Variants in GALNT16 observed in about 807,000 individuals in gnomAD.
GALNT16 encodes the protein UDP-GalNAc:polypeptide N-acetylgalactosaminyltransferase-like protein 1.
A neutral mutation model predicts 76.1 loss-of-function variants in GALNT16; 40 were observed. The ratio of observed to expected loss-of-function variants is 0.53; its 90% CI spans 0.41 to 0.68. The LOEUF (loss-of-function observed/expected upper bound fraction) is 0.68. GALNT16 is among the 30% of genes least tolerant of loss of function. GALNT16 has a pLI of 0.00. For synonymous variants in GALNT16, 276 were observed against 285.2 expected (o/e 0.97, Z 0.32); for missense variants, 621 against 731.9 (o/e 0.85, Z 1.75).
intron 9 of GALNT16, among the ~76,000 whole-genome samples, chr14:69,336,660 C>T (rs2140185156): frequency 6.6e-6 from 1 of 152,238 alleles, no homozygotes; most frequent in Non-Finnish European, 1.5e-5. Flanking sequence ...TCATTTTTCT[C>T]CATGGCCCTA....
At chr14:69,377,492 T>C in the GALNT16 span, among the ~76,000 whole-genome samples, 2 of 152,278 alleles carry the variant, frequency 1.3e-5, no homozygotes, top group East Asian at 3.9e-4. Context: ...TATGCTAACA[T>C]ATAAATTAAT....
chr14:69,365,185 T>C, the GALNT16 span, among the ~76,000 whole-genome samples: 1 of 152,192 alleles, frequency 6.6e-6, no homozygotes, highest in Non-Finnish European at 1.5e-5. Context: ...TGTTTCCAAA[T>C]GTGAATGTGC....
chr14:69,328,356 C>T, intron 5 of GALNT16, 94 bp from the exon 6 acceptor site: 4 of 1,291,696 alleles, frequency 3.1e-6, no homozygotes, highest in Non-Finnish European at 4.3e-6. Context: ...AAGCCTCAGC[C>T]CCTGAAGGAG....
chr14:69,339,492 TG>T, intron 10 of GALNT16, 34 bp from the exon 11 acceptor site: 1 of 1,285,112 alleles, frequency 7.8e-7, no homozygotes, highest in Non-Finnish European at 1.1e-6. Context: ...GTTGCTTCCC[TG>T]GTGACCTTAT....
intron 1 of GALNT16, among the ~76,000 whole-genome samples, chr14:69,264,283 A>T (rs542089796): frequency 6.6e-6 from 1 of 152,342 alleles, no homozygotes; most frequent in South Asian, 2.1e-4. Flanking sequence ...TGGACACAAT[A>T]CTTAACATCT....
chr14:69,373,546 T>G, the GALNT16 span, among the ~76,000 whole-genome samples: 4 of 152,316 alleles, frequency 2.6e-5, no homozygotes, highest in East Asian at 7.7e-4. Context: ...AGAAAGGGTA[T>G]GCTAGATATG....
intron 12 of GALNT16, 54 bp downstream of exon 12, chr14:69,341,818 G>T (rs1358627966): frequency 2.5e-5 from 31 of 1,244,442 alleles, no homozygotes; most frequent in Non-Finnish European, 3.4e-5. Flanking sequence ...GGTGGTTGGG[G>T]CCAGCGGCTT....
chr14:69,310,560 A>G (rs181842475), intron 1 of GALNT16, among the ~76,000 whole-genome samples: 7 of 152,352 alleles, frequency 4.6e-5, no homozygotes, highest in Admixed American at 2.6e-4. Context: ...ATTACAATAC[A>G]TGAAACTGTG....
At chr14:69,312,285 T>C (rs2045037793) in intron 1 of GALNT16, among the ~76,000 whole-genome samples, 1 of 152,080 alleles carries the variant, frequency 6.6e-6, no homozygotes, top group Non-Finnish European at 1.5e-5. Flanking sequence ...CTGTGATCAG[T>C]CCGTGTTCGA....
chr14:69,383,210 C>T, the GALNT16 span, among the ~76,000 whole-genome samples: 1 of 152,116 alleles, frequency 6.6e-6, no homozygotes, highest in South Asian at 2.1e-4. Flanking sequence ...TTTAAGTATA[C>T]GAAATACAAA....
Position 69,333,707 on chromosome 14 carries a change from C to A in GALNT16, c.967+107C>A. 1.5e-6 allele frequency: 1 copy of A among 645,414 alleles called. No homozygotes were observed. The highest frequency in any genetic ancestry group is 1.8e-5 in the South Asian group (1 of 55,438). 40.0% of individuals were successfully genotyped at this position (645,414 alleles called of 1,614,324 possible). ...GAGGACCTGCTCTAAGGACTTTACA[C>A]ACATGAGGTCATTTAATTCTCTCAA... On this transcript the variant is annotated intron_variant, in intron 9 of 14. Coordinates refer to ENST00000448469, the MANE Select transcript of GALNT16 (RefSeq NM_001168368.2). This position sits in a 1 kb window ranked among gnomAD's most constrained non-coding sequence, Gnocchi z 4.2.
rs367765105 is a variant in GALNT16, at chr14:69,341,592, T to A, written c.1188-89T>A. On this transcript the variant is annotated intron_variant, in intron 11 of 14. Transcript: ENST00000448469. ...CCTGGTCCTTGCCTGCCTGAGATAG[T>A]TGGGGCTGGGGGACAGGCCTCTGGC... 265 of 801,388 alleles carry A rather than the reference T, an allele frequency of 3.3e-4. 2 individuals are homozygous for A. The African/African-American group carries it at 3.9e-3, about 12-fold the overall frequency. The allele number at this position is 801,388 out of a possible 1,614,324, so 49.6% of individuals were successfully genotyped here. A position where few individuals can be genotyped will look rare whatever the true frequency, so the allele number is the denominator to read the frequency against.
chr14:69,284,183 G>T (rs568123075), intron 1 of GALNT16, among the ~76,000 whole-genome samples: 2 of 152,124 alleles, frequency 1.3e-5, no homozygotes. Context: ...GCAGTTCCTC[G>T]AGAAAGGGAT....
chr14:69,275,010 C>G (rs1435943834), intron 1 of GALNT16, among the ~76,000 whole-genome samples: 2 of 152,218 alleles, frequency 1.3e-5, no homozygotes, highest in Non-Finnish European at 2.9e-5. Flanking sequence ...AAGGGGAAAA[C>G]AGATTCTGTG....
chr14:69,280,898 C>T (rs2044532094), intron 1 of GALNT16, among the ~76,000 whole-genome samples: 1 of 152,102 alleles, frequency 6.6e-6, no homozygotes, highest in African/African-American at 2.4e-5. Flanking sequence ...CCTTTCCTCC[C>T]CTTGGGGAAG....
chr14:69,323,867 A>G (rs1455398074), intron 2 of GALNT16, among the ~76,000 whole-genome samples: 1 of 152,226 alleles, frequency 6.6e-6, no homozygotes, highest in Non-Finnish European at 1.5e-5. Context: ...TGGAATAGTC[A>G]GAGAGCAATT....
At chr14:69,362,663 A>G in the GALNT16 span, among the ~76,000 whole-genome samples, 2 of 152,206 alleles carry the variant, frequency 1.3e-5, no homozygotes, top group South Asian at 4.1e-4. Context: ...ATGATGTGGG[A>G]GCAGATCAAA....
At chr14:69,310,980 G>T (rs1038520623) in intron 1 of GALNT16, among the ~76,000 whole-genome samples, 6 of 152,178 alleles carry the variant, frequency 3.9e-5, no homozygotes, top group African/African-American at 1.4e-4. Context: ...GCTACTTTGT[G>T]CCTTGATAAA....
intron 6 of GALNT16, among the ~76,000 whole-genome samples, chr14:69,330,676 G>A (rs998244035): frequency 7.2e-5 from 11 of 152,320 alleles, no homozygotes; most frequent in African/African-American, 2.6e-4. Context: ...CAGACAAGAG[G>A]ATTTTGGGGG....
Sources: allele counts gnomAD v4.1 joint callset (sites outside exome capture counted in the v4.1 genomes callset), GRCh38; gene constraint gnomAD v4.1.1; non-coding constraint Gnocchi (gnomAD v3.1); transcripts MANE v1.5; gene names NCBI Gene and HGNC (gene_info 2026-07-23, HGNC 2026-07-21).